SORCS2: variants seen among roughly 807,000 people sequenced by gnomAD.
SORCS2 encodes the protein sortilin related VPS10 domain containing receptor 2.
In SORCS2, 100 loss-of-function variants were observed where a neutral mutation model predicts 141.6. The observed-to-expected ratio is 0.71, with a 90% CI of 0.60 to 0.83. The LOEUF is 0.83. Ranked by LOEUF, SORCS2 falls within the 40% of genes least tolerant of loss-of-function variation. The pLI is 0.00. For missense variants in SORCS2, 1,646 were observed against 1,560.2 expected, an observed-to-expected ratio of 1.05 and a Z score of -0.93; for synonymous variants, 789 against 676.9, an observed-to-expected ratio of 1.17 and a Z score of -2.57.
intron 3 of SORCS2, among the ~76,000 whole-genome samples, chr4:7,626,571 A>G (rs1371971406): frequency 6.6e-6 from 1 of 152,244 alleles, no homozygotes. Flanking sequence ...ATCTCTTTCT[A>G]TAGCACATAC....
chr4:7,724,126 G>GATA (rs1168695075), intron 19 of SORCS2, among the ~76,000 whole-genome samples: 4 of 139,002 alleles, frequency 2.9e-5, no homozygotes, highest in Non-Finnish European at 6.0e-5. Flanking sequence ...TGGTGGTGGT[G>GATA]GTGGTGGTGG....
chr4:7,735,820 C>T (rs12507674), intron 25 of SORCS2, among the ~76,000 whole-genome samples: 19,638 of 152,246 alleles, frequency 0.13, 1,351 homozygotes, highest in East Asian at 0.18. Context: ...CCACCTCCTT[C>T]CTGTGTGCTC....
rs1577571483 is a variant in SORCS2, at chr4:7,443,075, T to C, written c.548+46720T>C. On this transcript the variant is annotated intron_variant, in intron 2 of 26. Transcript: ENST00000507866. ...CTTCTTCCTATGAGAATACCAGTCA[T>C]TGGATTTAGGGCCCATCTGAATTGA... Among the ~76,000 whole-genome samples the C allele has an allele frequency of 3.3e-5, 5 of 152,210 alleles. 1 individual carries two copies. In the South Asian group the frequency reaches 6.2e-4, roughly 19 times the overall value.
intron 1 of SORCS2, among the ~76,000 whole-genome samples, chr4:7,326,747 A>C (rs1577402496): frequency 6.6e-6 from 1 of 152,198 alleles, no homozygotes; most frequent in Admixed American, 6.5e-5. Flanking sequence ...GAGAGGCTGG[A>C]GGCGCTGTGA....
intron 1 of SORCS2, among the ~76,000 whole-genome samples, chr4:7,340,769 G>A (rs1364411342): frequency 4.7e-5 from 7 of 150,158 alleles, no homozygotes; most frequent in Non-Finnish European, 9.0e-5. Flanking sequence ...GGGCCCCAGG[G>A]GGCATTTAGT....
chr4:7,665,476 C>G (rs1181774917), intron 7 of SORCS2, among the ~76,000 whole-genome samples: 1 of 152,210 alleles, frequency 6.6e-6, no homozygotes, highest in African/African-American at 2.4e-5. Flanking sequence ...CTGTGCCTCG[C>G]TTCTCCACTG....
intron 1 of SORCS2, among the ~76,000 whole-genome samples, chr4:7,304,941 G>A (rs1717683092): frequency 6.6e-6 from 1 of 152,210 alleles, no homozygotes; most frequent in Non-Finnish European, 1.5e-5. Context: ...GAGGCATCCC[G>A]GTTCCTGCTC....
intron 1 of SORCS2, among the ~76,000 whole-genome samples, chr4:7,249,700 C>T (rs1435433188): frequency 6.6e-6 from 1 of 152,340 alleles, no homozygotes; most frequent in South Asian, 2.1e-4. Flanking sequence ...GGGGAAGTAA[C>T]TTGCTCAAGC....
chr4:7,725,280 G>T lies in SORCS2; in HGVS notation c.2738G>T (p.Ser913Ile). ...LTVFYWWIGH[S>I]LQPLLSLDNS... ...GTCTTCTACTGGTGGATCGGCCACA[G>T]CCTGCAGGTGCGCTGGCTTTGCCCC... is the stretch of plus-strand genomic sequence containing the variant. The change falls in exon 20 of 27, where the codon AGC becomes ATC. Residue 913 changes from serine (S) to isoleucine (I), a missense_variant. By Grantham distance (142) the Ser-to-Ile change is moderately radical. Coordinates refer to ENST00000507866, the MANE Select transcript of SORCS2 (RefSeq NM_020777.3). 1 of 1,612,734 alleles carries T rather than the reference G, an allele frequency of 6.2e-7. No homozygotes were observed. The highest frequency in any genetic ancestry group is 2.2e-5 in the East Asian group (1 of 44,852).
chr4:7,460,306 G>T (rs765066275), intron 2 of SORCS2, among the ~76,000 whole-genome samples: 3 of 152,236 alleles, frequency 2.0e-5, no homozygotes, highest in Non-Finnish European at 4.4e-5. Context: ...CCATCTTTCT[G>T]ATGGGGCCCA....
At chr4:7,654,785 C>T (rs1034474875) in intron 5 of SORCS2, among the ~76,000 whole-genome samples, 1 of 152,180 alleles carries the variant, frequency 6.6e-6, no homozygotes, top group African/African-American at 2.4e-5. Flanking sequence ...TGGGGTTGTA[C>T]CCCAGACAAG....
At chr4:7,652,670 C>G (rs1721519069) in intron 4 of SORCS2, among the ~76,000 whole-genome samples, 2 of 152,172 alleles carry the variant, frequency 1.3e-5, no homozygotes, top group Admixed American at 6.5e-5. Flanking sequence ...CTCTCAGGCC[C>G]TGTCCTCCTC....
chr4:7,207,473 G>C (rs1410107837), intron 1 of SORCS2, among the ~76,000 whole-genome samples: 2 of 152,208 alleles, frequency 1.3e-5, no homozygotes, highest in Admixed American at 6.5e-5. Flanking sequence ...CAGGCTCCTG[G>C]AGGCGGGCAG....
Position 7,301,339 on chromosome 4 carries a change from G to A in SORCS2, c.481-94949G>A, listed in dbSNP as rs370571409. Among the ~76,000 whole-genome samples the A allele has an allele frequency of 5.3e-5, 8 of 152,318 alleles. No homozygotes were observed. In the East Asian group the frequency reaches 1.4e-3, roughly 26 times the overall value. ...GCCACAGCCTGGTGGGGGAGCTGCC[G>A]AGGAGGTGCTGAAGCCCACCCACCC... On this transcript the variant is annotated intron_variant, in intron 1 of 26. Coordinates refer to ENST00000507866, the MANE Select transcript of SORCS2 (RefSeq NM_020777.3).
At position 7,733,054 on chromosome 4, in the gene SORCS2, G is replaced by C. The variant is rs1256118392; in HGVS notation, c.3109-268G>C. 6.8e-5 allele frequency among the ~76,000 whole-genome samples: 10 copies of C among 146,526 alleles called. No homozygotes were observed. In the East Asian group the frequency reaches 1.9e-3, roughly 27 times the overall value. ...CCTCCCTCTCCCCACCCCTCTGGTG[G>C]ATCCCAGCAGACCTTGCTCCCCTCC... is the stretch of plus-strand genomic sequence containing the variant. On this transcript the variant is annotated intron_variant, in intron 23 of 26. Coordinates refer to ENST00000507866, the MANE Select transcript of SORCS2 (RefSeq NM_020777.3).
intron 4 of SORCS2, among the ~76,000 whole-genome samples, chr4:7,644,766 T>C (rs1473469889): frequency 6.6e-6 from 1 of 152,220 alleles, no homozygotes; most frequent in African/African-American, 2.4e-5. Context: ...ACTTTTTATC[T>C]TCATATGAGA....
intron 1 of SORCS2, among the ~76,000 whole-genome samples, chr4:7,315,135 G>T (rs934715494): frequency 6.6e-6 from 1 of 152,080 alleles, no homozygotes; most frequent in African/African-American, 2.4e-5. Context: ...ACCTGGCCTT[G>T]TCCGCTGTTC....
intron 1 of SORCS2, among the ~76,000 whole-genome samples, chr4:7,364,720 C>T (rs939244910): frequency 6.6e-6 from 1 of 152,202 alleles, no homozygotes; most frequent in African/African-American, 2.4e-5. Context: ...GTTGTGAGGA[C>T]CTCATGTCAC....
chr4:7,222,283 C>T (rs1480482569), intron 1 of SORCS2, among the ~76,000 whole-genome samples: 1 of 152,196 alleles, frequency 6.6e-6, no homozygotes, highest in Non-Finnish European at 1.5e-5. Flanking sequence ...GGCCCATCCA[C>T]GTGGTAGAAT....
Sources: gnomAD v4.1 joint callset for allele counts (sites outside exome capture counted in the v4.1 genomes callset) on GRCh38, gnomAD v4.1.1 for gene constraint, MANE v1.5 for transcripts, NCBI Gene and HGNC (gene_info 2026-07-23, HGNC 2026-07-21) for gene names.